Variants in TTLL5 observed in about 807,000 individuals in gnomAD.
The protein encoded by TTLL5 is tubulin polyglutamylase TTLL5.
A neutral mutation model predicts 168.4 loss-of-function variants in TTLL5; 132 were observed. The observed-to-expected ratio is 0.78, with a 90% CI of 0.68 to 0.91. TTLL5 has a LOEUF of 0.91. TTLL5 is among the 40% of genes least tolerant of loss of function. The probability of loss-of-function intolerance (pLI) is 0.00; values close to 1 mark genes in which losing one functional copy is unlikely to be tolerated. For missense variants in TTLL5, 1,545 were observed against 1,581.5 expected, an observed-to-expected ratio of 0.98 and a Z score of 0.39; for synonymous variants, 546 against 558.6, an observed-to-expected ratio of 0.98 and a Z score of 0.32.
At chr14:75,933,228 G>A (rs138525197) in intron 31 of TTLL5, among the ~76,000 whole-genome samples, 69 of 152,236 alleles carry the variant, frequency 4.5e-4, no homozygotes, top group African/African-American at 1.5e-3. Context: ...AGGCCAAGAC[G>A]GGAAGATTAT....
At position 75,712,409 on chromosome 14, in the gene TTLL5, G is replaced by C. The variant is rs570464706; in HGVS notation, c.740+4702G>C. Reference sequence around the variant, plus strand: ...TTTGTCAGAAAATATAACTACCAAAGAGGATGTTAAGCTTCTACATCTAGA... The same window carrying C: ...TTTGTCAGAAAATATAACTACCAAACAGGATGTTAAGCTTCTACATCTAGA... On this transcript the variant is annotated intron_variant, in intron 9 of 31. Coordinates refer to ENST00000298832, the MANE Select transcript of TTLL5 (RefSeq NM_015072.5). The C allele has an allele frequency of 4.1e-5, 6 of 145,250 alleles. No individual in the cohort carries two copies. In the South Asian group the frequency reaches 1.4e-3, roughly 34 times the overall value. The allele number at this position is 145,250 out of a possible 1,614,324, so 9.0% of individuals were successfully genotyped here.
Position 75,690,244 on chromosome 14 carries a change from C to T in TTLL5, c.424C>T (p.Gln142Ter). 2 of 1,612,770 alleles carry T rather than the reference C, an allele frequency of 1.2e-6. No individual in the cohort carries two copies. The highest frequency in any genetic ancestry group is 1.1e-5 in the South Asian group (1 of 90,764). ...DRLYKNIIRM[Q>*]HTHGFKAFHI... is the part of the protein sequence containing the mutation. ...ACTGTACAAAAACATTATTCGAATG[C>T]AGCATACACATGGATTCAAGGCTTT... The change falls in exon 6 of 32, where the codon CAG (glutamine) becomes TAG (stop). Residue 142 changes from glutamine to a stop codon, truncating the protein, a stop_gained. Transcript: ENST00000298832. LOFTEE classifies it high-confidence loss of function.
chr14:75,863,334 T>C (rs958853594), intron 28 of TTLL5, among the ~76,000 whole-genome samples: 3 of 152,236 alleles, frequency 2.0e-5, no homozygotes, highest in African/African-American at 7.2e-5. Flanking sequence ...TTGGAAGCTC[T>C]CTGGACTCTT....
chr14:75,718,753 G>A (rs1041090669), intron 10 of TTLL5, among the ~76,000 whole-genome samples: 27 of 152,212 alleles, frequency 1.8e-4, no homozygotes, highest in African/African-American at 6.5e-4. Context: ...GCCCAGCTGT[G>A]TGGAAATATT....
chr14:75,712,370 A>G (rs1361446229), intron 9 of TTLL5: 1 of 150,162 alleles, frequency 6.7e-6, no homozygotes, highest in Non-Finnish European at 1.5e-5. Context: ...TTCTTGGTAC[A>G]TTTGTAGTGA....
At chr14:75,908,738 A>G (rs1349040292) in intron 31 of TTLL5, among the ~76,000 whole-genome samples, 1 of 152,064 alleles carries the variant, frequency 6.6e-6, no homozygotes, top group Non-Finnish European at 1.5e-5. Context: ...TGTTCATCAG[A>G]GGGCTAATTA....
chr14:75,885,134 C>T (rs2032041461), intron 30 of TTLL5, among the ~76,000 whole-genome samples: 1 of 151,362 alleles, frequency 6.6e-6, no homozygotes, highest in African/African-American at 2.4e-5. Flanking sequence ...GAGATCACAC[C>T]ACTGCACTCC....
intron 28 of TTLL5, among the ~76,000 whole-genome samples, chr14:75,824,689 A>G (rs1895019718): frequency 6.6e-6 from 1 of 152,046 alleles, no homozygotes; most frequent in Non-Finnish European, 1.5e-5. Flanking sequence ...TGAACTATAC[A>G]TGTAAAAATG....
chr14:75,739,395 G>A lies in TTLL5; in HGVS notation c.1281+4106G>A, dbSNP rs1156258193. On this transcript the variant is annotated intron_variant, in intron 15 of 31. Coordinates refer to ENST00000298832, the MANE Select transcript of TTLL5 (RefSeq NM_015072.5). ...CTCTTAACTTCACAGTATTTTCATTGGAGCTAAGTAAAAAAAAAAATTTCT... is the reference window on the plus strand; with the variant it reads ...CTCTTAACTTCACAGTATTTTCATTAGAGCTAAGTAAAAAAAAAAATTTCT... 2.6e-5 allele frequency among the ~76,000 whole-genome samples: 4 copies of A among 152,010 alleles called. No individual in the cohort carries two copies. The East Asian group carries it at 7.7e-4, about 29-fold the overall frequency.
chr14:75,948,688 A>G (rs940424261), intron 31 of TTLL5, among the ~76,000 whole-genome samples: 1 of 152,182 alleles, frequency 6.6e-6, no homozygotes, highest in Non-Finnish European at 1.5e-5. Flanking sequence ...AAATAATAAT[A>G]GCAATAATAA....
intron 3 of TTLL5, among the ~76,000 whole-genome samples, chr14:75,678,935 T>A (rs903212518): frequency 2.0e-5 from 3 of 152,238 alleles, no homozygotes; most frequent in African/African-American, 7.2e-5. Flanking sequence ...CATTGGTATC[T>A]ACTGATTCTT....
chr14:75,716,178 TACTC>T (rs1307912600), intron 9 of TTLL5, among the ~76,000 whole-genome samples: 1 of 152,210 alleles, frequency 6.6e-6, no homozygotes, highest in African/African-American at 2.4e-5. Flanking sequence ...AGGCAAGGGT[TACTC>T]ACCAGGGCAC....
intron 31 of TTLL5, among the ~76,000 whole-genome samples, chr14:75,905,878 C>T (rs2033125644): frequency 6.6e-6 from 1 of 152,206 alleles, no homozygotes. Flanking sequence ...CAACCTCTCC[C>T]TCCTTTTATT....
intron 2 of TTLL5, among the ~76,000 whole-genome samples, chr14:75,667,699 C>T (rs1408254061): frequency 1.3e-5 from 2 of 150,836 alleles, no homozygotes; most frequent in Non-Finnish European, 2.9e-5. Context: ...CTGCCTCACT[C>T]CTAAGATTGG....
Position 75,820,033 on chromosome 14 carries a change from C to T in TTLL5, c.3198C>T (p.Gly1066=), listed in dbSNP as rs1407657725. 1.2e-6 allele frequency: 2 copies of T among 1,604,650 alleles called. No homozygotes were observed. Among genetic ancestry groups the T allele is most frequent in the East Asian group, 4.6e-5 (2 of 43,902 alleles). Residue 1066 remains glycine, a synonymous_variant, in exon 28 of 32, where the codon GGC becomes GGT. Coordinates refer to ENST00000298832, the MANE Select transcript of TTLL5 (RefSeq NM_015072.5). ...TAACAAACCTGAATTTGGCAACTGGCATCATAAACAGAAGCAGTGCTTCAG... is the reference window on the plus strand; with the variant it reads ...TAACAAACCTGAATTTGGCAACTGGTATCATAAACAGAAGCAGTGCTTCAG... ...QQVTNLNLAT[G]IINRSSASAP... is the part of the protein sequence containing the mutation.
intron 20 of TTLL5, among the ~76,000 whole-genome samples, chr14:75,768,051 G>A (rs1349666967): frequency 6.6e-6 from 1 of 152,212 alleles, no homozygotes; most frequent in African/African-American, 2.4e-5. Context: ...TAGACAGGTG[G>A]ACAGCTTTGT....
chr14:75,675,654 G>A (rs1445182937), intron 3 of TTLL5, among the ~76,000 whole-genome samples: 1 of 152,198 alleles, frequency 6.6e-6, no homozygotes, highest in African/African-American at 2.4e-5. Flanking sequence ...CATGGGATGA[G>A]GTGGTTCTTT....
chr14:75,855,018 G>A (rs1327974185), intron 28 of TTLL5, among the ~76,000 whole-genome samples: 1 of 151,870 alleles, frequency 6.6e-6, no homozygotes, highest in Non-Finnish European at 1.5e-5. Context: ...TCTTGATCAT[G>A]GTAGTTTTAT....
chr14:75,678,431 C>A (rs1013948954), intron 3 of TTLL5, among the ~76,000 whole-genome samples: 1 of 152,138 alleles, frequency 6.6e-6, no homozygotes, highest in African/African-American at 2.4e-5. Context: ...TTATCTAATC[C>A]ATAGATCTAA....
Sources: gnomAD v4.1 joint callset for allele counts (sites outside exome capture counted in the v4.1 genomes callset) on GRCh38, gnomAD v4.1.1 for gene constraint, MANE v1.5 for transcripts, NCBI Gene and HGNC (gene_info 2026-07-23, HGNC 2026-07-21) for gene names.